Variants in ZNF264 observed in about 807,000 individuals in gnomAD.
The protein encoded by ZNF264 is zinc finger protein 264.
In ZNF264, 11 loss-of-function variants were observed where a neutral mutation model predicts 11.2. The ratio of observed to expected loss-of-function variants is 0.98; its 90% CI spans 0.62 to 1.63. The LOEUF is 1.63. Ranked by LOEUF, ZNF264 falls within the 40% of genes most tolerant of loss-of-function variation. The pLI, the probability that ZNF264 is intolerant of heterozygous loss-of-function variation, is 0.00. For synonymous variants in ZNF264, 309 were observed against 279.8 expected (o/e 1.10, Z -1.04); for missense variants, 752 against 768.1 (o/e 0.98, Z 0.25).
At chr19:57,207,537 TTTC>T (rs1191751761) in intron 3 of ZNF264, among the ~76,000 whole-genome samples, 2 of 150,338 alleles carry the variant, frequency 1.3e-5, no homozygotes, top group Non-Finnish European at 3.0e-5. Flanking sequence ...TTTCTTCTTT[TTTC>T]TTTTCTTTTT....
Position 57,191,679 on chromosome 19 carries a change from T to G in ZNF264, c.-235T>G. ...CCTGGGTCGCCGTCAAGCTGCGGTC[T>G]CTCCTCCCCCGCCCTTCAGCCCCGC... On this transcript the variant is annotated 5_prime_UTR_variant, in exon 1 of 4. Coordinates refer to ENST00000263095, the MANE Select transcript of ZNF264 (RefSeq NM_003417.5). The G allele has an allele frequency of 5.1e-6, 2 of 395,286 alleles. No homozygotes were observed. The highest frequency in any genetic ancestry group is 8.9e-6 in the Non-Finnish European group (2 of 223,994). The allele number at this position is 395,286 out of a possible 1,614,324, so 24.5% of individuals were successfully genotyped here.
chr19:57,198,115 G>A (rs1194632099), intron 2 of ZNF264, among the ~76,000 whole-genome samples: 1 of 152,030 alleles, frequency 6.6e-6, no homozygotes, highest in East Asian at 1.9e-4. Flanking sequence ...TGCTTCTGGT[G>A]GGCCTTATGG....
intron 2 of ZNF264, 138 bp from the exon 3 acceptor site, chr19:57,205,259 A>G (rs191317882): frequency 3.9e-5 from 29 of 737,630 alleles, no homozygotes; most frequent in Non-Finnish European, 5.9e-5. Context: ...TCCAGGTCAC[A>G]TGCCAGCTTT....
rs1340115562 is a variant in ZNF264, at chr19:57,191,868, G to T, written c.-46G>T. The T allele has an allele frequency of 7.7e-7, 1 of 1,302,574 alleles. No homozygotes were observed. The highest frequency in any genetic ancestry group is 9.8e-7 in the Non-Finnish European group (1 of 1,023,892). 80.7% of individuals were successfully genotyped at this position (1,302,574 alleles called of 1,614,324 possible). On this transcript the variant is annotated 5_prime_UTR_variant, in exon 1 of 4. Transcript: ENST00000263095. ...GGGCACAGGTGGGGTCCGTCAGGCCGCCCGGGGCTCCTCTGTCCCAGCTCT... is the reference window on the plus strand; with the variant it reads ...GGGCACAGGTGGGGTCCGTCAGGCCTCCCGGGGCTCCTCTGTCCCAGCTCT...
At chr19:57,194,727 C>G (rs928400981) in intron 2 of ZNF264, 1 of 399,396 alleles carries the variant, frequency 2.5e-6, no homozygotes. Context: ...GGGGGTCTGC[C>G]TTTCCCAGCC....
At chr19:57,206,942 G>A (rs2087297502) in intron 3 of ZNF264, among the ~76,000 whole-genome samples, 1 of 143,002 alleles carries the variant, frequency 7.0e-6, no homozygotes, top group Admixed American at 7.1e-5. Context: ...TGGTGCCACT[G>A]CAGAGCCTTG....
rs1332051993 is a variant in ZNF264 at position 57,215,969 on chromosome 19, CTA to C, written c.*2990_*2991del. 1 of 152,226 alleles carries C rather than the reference CTA, an allele frequency of 6.6e-6. No homozygotes were observed. Among genetic ancestry groups the C allele is most frequent in the Non-Finnish European group, 1.5e-5 (1 of 68,050 alleles). 9.4% of individuals were successfully genotyped at this position (152,226 alleles called of 1,614,324 possible). A position where few individuals can be genotyped will look rare whatever the true frequency, so the allele number is the denominator to read the frequency against. On this transcript the variant is annotated 3_prime_UTR_variant, in exon 4 of 4. Transcript: ENST00000263095. ...CTGGGTGGAGTTTCTATAAATGTCT[CTA>C]TGATCCTGCTCATTGTTATTCAAGT...
intron 2 of ZNF264, 50 bp downstream of exon 2, chr19:57,194,051 C>T: frequency 6.4e-7 from 1 of 1,557,000 alleles, no homozygotes; most frequent in Non-Finnish European, 8.7e-7. Context: ...CCACTTCCTT[C>T]ATTCCATCTT....
chr19:57,207,841 C>T (rs1168593972), intron 3 of ZNF264, among the ~76,000 whole-genome samples: 1 of 152,062 alleles, frequency 6.6e-6, no homozygotes, highest in Non-Finnish European at 1.5e-5. Context: ...ATTCTCCTGC[C>T]TCAGCCTCCC....
intron 2 of ZNF264, among the ~76,000 whole-genome samples, chr19:57,205,044 TCTTTA>T (rs2087281552): frequency 1.3e-5 from 2 of 152,196 alleles, no homozygotes; most frequent in African/African-American, 4.8e-5. Context: ...CCTCATTTTT[TCTTTA>T]GTCTAGAGGA....
chr19:57,200,608 CTTTTCTTTCG>C (rs911912469), intron 2 of ZNF264, among the ~76,000 whole-genome samples: 4 of 150,232 alleles, frequency 2.7e-5, no homozygotes, highest in Non-Finnish European at 5.9e-5. Context: ...TTCTCTTTTC[CTTTTCTTTCG>C]TTTTCTTTTC....
At chr19:57,198,553 G>A (rs1007286220) in intron 2 of ZNF264, among the ~76,000 whole-genome samples, 1 of 151,776 alleles carries the variant, frequency 6.6e-6, no homozygotes, top group Non-Finnish European at 1.5e-5. Context: ...TGCCTATTAC[G>A]CATTCTGGCA....
intron 1 of ZNF264, chr19:57,192,550 A>G: frequency 1.0e-6 from 1 of 985,342 alleles, no homozygotes; most frequent in Non-Finnish European, 1.2e-6. Context: ...GGAACCCAGT[A>G]AGGAAAGAGG....
intron 3 of ZNF264, among the ~76,000 whole-genome samples, chr19:57,209,368 C>T (rs1229596705): frequency 1.3e-5 from 2 of 152,058 alleles, no homozygotes; most frequent in Non-Finnish European, 2.9e-5. Flanking sequence ...TGTGGCTACC[C>T]AATTTTTCTA....
rs558531151 is a variant in ZNF264, at chr19:57,216,591, T to C, written c.*3610T>C. The C allele has an allele frequency of 1.3e-5, 2 of 152,354 alleles. No homozygotes were observed. The highest frequency in any genetic ancestry group is 4.1e-4 in the South Asian group (2 of 4,828). The allele number at this position is 152,354 out of a possible 1,614,324, so 9.4% of individuals were successfully genotyped here. A position where few individuals can be genotyped will look rare whatever the true frequency, so the allele number is the denominator to read the frequency against. On this transcript the variant is annotated 3_prime_UTR_variant, in exon 4 of 4. Transcript: ENST00000263095. ...AGTGACTCCTGCATATTTTGATTAA[T>C]GTTTGCATGGTTAATATTTCTTCAT...
At chr19:57,206,307 A>G (rs1036829016) in intron 3 of ZNF264, among the ~76,000 whole-genome samples, 26 of 152,022 alleles carry the variant, frequency 1.7e-4, no homozygotes, top group Non-Finnish European at 3.2e-4. Context: ...GCAGTGGCAC[A>G]GTCTCGGCTC....
At chr19:57,209,751 T>C (rs558789535) in intron 3 of ZNF264, among the ~76,000 whole-genome samples, 3 of 152,116 alleles carry the variant, frequency 2.0e-5, no homozygotes, top group East Asian at 3.9e-4. Context: ...GCTAATGTGT[T>C]TTTAGTTTTG....
chr19:57,200,147 A>G lies in ZNF264; in HGVS notation c.161-5250A>G, dbSNP rs527315323. ...AAGCTGAAATTGTAGAAAAACAGAC[A>G]TAAGCTAGTCATGTGAGTGGCTGAC... On this transcript the variant is annotated intron_variant, in intron 2 of 3. Transcript: ENST00000263095. Among the ~76,000 whole-genome samples, 7 of 151,970 alleles carry G rather than the reference A, an allele frequency of 4.6e-5. No individual in the cohort carries two copies. In the South Asian group the frequency reaches 8.3e-4, roughly 18 times the overall value.
chr19:57,192,816 C>G (rs532399680), intron 1 of ZNF264, among the ~76,000 whole-genome samples: 3 of 152,280 alleles, frequency 2.0e-5, no homozygotes, highest in African/African-American at 7.2e-5. Context: ...ACTGCAGTCT[C>G]TGCCTCCCAG....
Sources: gnomAD v4.1 joint callset for allele counts (sites outside exome capture counted in the v4.1 genomes callset) on GRCh38, gnomAD v4.1.1 for gene constraint, MANE v1.5 for transcripts, NCBI Gene and HGNC (gene_info 2026-07-23, HGNC 2026-07-21) for gene names.